ITGA9: variants seen among roughly 807,000 people sequenced by gnomAD.
ITGA9 encodes the protein integrin subunit alpha 9, also known as integrin alpha-9.
Under a neutral mutation model 127.8 loss-of-function variants are expected in ITGA9, and 56 were observed. The observed-to-expected ratio is 0.44, with a 90% CI of 0.35 to 0.55. The LOEUF is 0.55. Among genes scored for constraint, ITGA9 ranks in the 20% least tolerant of loss-of-function variants. ITGA9 has a pLI of 0.00. For missense variants in ITGA9, 1,196 were observed against 1,347.1 expected (o/e 0.89, Z 1.76); for synonymous variants, 508 against 514.5 (o/e 0.99, Z 0.17).
chr3:37,732,819 C>T, intron 19 of ITGA9, 21 bp downstream of exon 19: 5 of 1,568,828 alleles, frequency 3.2e-6, no homozygotes, highest in Non-Finnish European at 4.4e-6. Context: ...CAGACGGGAC[C>T]CTTCCTCAGC....
rs1700623848 is a variant in ITGA9, at chr3:37,670,141, A to T, written c.1917-13724A>T. On this transcript the variant is annotated intron_variant, in intron 17 of 27. Coordinates refer to ENST00000264741, the MANE Select transcript of ITGA9 (RefSeq NM_002207.3). ...TTTTTTTTTTCTGGTGCTAAAGAAC[A>T]ATTTCACCTCCTAAGCCAAGAAGGA... Among the ~76,000 whole-genome samples, 2 of 152,014 alleles carry T rather than the reference A, an allele frequency of 1.3e-5. 1 individual carries two copies. The highest frequency in any genetic ancestry group is 6.8e-3 in the Middle Eastern group (2 of 294).
At chr3:37,720,154 A>G (rs1701176392) in intron 18 of ITGA9, among the ~76,000 whole-genome samples, 1 of 152,228 alleles carries the variant, frequency 6.6e-6, no homozygotes, top group Admixed American at 6.5e-5. Flanking sequence ...TTGAGTAGCA[A>G]GACCTTGACA....
intron 15 of ITGA9, among the ~76,000 whole-genome samples, chr3:37,626,839 C>T (rs1218180540): frequency 6.6e-5 from 10 of 152,232 alleles, no homozygotes; most frequent in Admixed American, 5.2e-4. Flanking sequence ...CACCTCCTCC[C>T]CTAGAATAAC....
At chr3:37,690,714 C>T (rs1331992870) in intron 18 of ITGA9, among the ~76,000 whole-genome samples, 2 of 152,164 alleles carry the variant, frequency 1.3e-5, no homozygotes, top group African/African-American at 4.8e-5. Context: ...GCAGGGCAGG[C>T]ACCCTGGCCC....
chr3:37,733,074 C>T lies in ITGA9; in HGVS notation c.2154+276C>T, dbSNP rs567331293. 60 of 453,892 alleles carry T rather than the reference C, an allele frequency of 1.3e-4. 1 individual carries two copies. Among genetic ancestry groups the T allele is most frequent in the South Asian group, 1.2e-3 (57 of 47,340 alleles). The allele number at this position is 453,892 out of a possible 1,614,324, so 28.1% of individuals were successfully genotyped here. On this transcript the variant is annotated intron_variant, in intron 19 of 27. Coordinates refer to ENST00000264741, the MANE Select transcript of ITGA9 (RefSeq NM_002207.3). The stretch of plus-strand genomic sequence containing the variant: ...ACACCACAGCCTCTGCACTTTAGCA[C>T]GTGCCATTTAGTTGACCTTCCTAAA...
chr3:37,568,238 C>T (rs537800178), intron 15 of ITGA9, among the ~76,000 whole-genome samples: 1 of 152,352 alleles, frequency 6.6e-6, no homozygotes, highest in East Asian at 1.9e-4. Context: ...ACCTTGGCCC[C>T]TTTTAGCCAT....
chr3:37,457,718 C>CA (rs1195718141), intron 1 of ITGA9, among the ~76,000 whole-genome samples: 2 of 152,132 alleles, frequency 1.3e-5, no homozygotes, highest in African/African-American at 2.4e-5. Flanking sequence ...CAAGGGGATC[C>CA]AAAAAGCATC....
intron 18 of ITGA9, among the ~76,000 whole-genome samples, chr3:37,717,676 TC>T (rs1701149511): frequency 6.6e-6 from 1 of 152,220 alleles, no homozygotes; most frequent in Admixed American, 6.5e-5. Flanking sequence ...AAAATCCACC[TC>T]CATGATCCAG....
chr3:37,771,131 G>A (rs991362237), intron 23 of ITGA9, among the ~76,000 whole-genome samples: 1 of 152,140 alleles, frequency 6.6e-6, no homozygotes, highest in African/African-American at 2.4e-5. Flanking sequence ...TTGGACTCCG[G>A]TAGCCTGGGA....
At chr3:37,651,765 C>T (rs1394312795) in intron 16 of ITGA9, among the ~76,000 whole-genome samples, 1 of 152,068 alleles carries the variant, frequency 6.6e-6, no homozygotes, top group Non-Finnish European at 1.5e-5. Context: ...ACTAGGTGAA[C>T]CAGCTGGAGG....
intron 6 of ITGA9, among the ~76,000 whole-genome samples, chr3:37,504,049 A>G (rs1458403676): frequency 1.3e-5 from 2 of 152,236 alleles, no homozygotes; most frequent in Admixed American, 6.5e-5. Flanking sequence ...ACTTACAGGG[A>G]AAGGCCCTGA....
chr3:37,783,351 A>G (rs1269650101), intron 25 of ITGA9, among the ~76,000 whole-genome samples: 1 of 152,064 alleles, frequency 6.6e-6, no homozygotes, highest in Non-Finnish European at 1.5e-5. Context: ...ATTTAAAAAA[A>G]TATTTTTAGA....
intron 23 of ITGA9, among the ~76,000 whole-genome samples, chr3:37,772,783 A>G (rs753273677): frequency 1.3e-5 from 2 of 152,160 alleles, no homozygotes; most frequent in African/African-American, 2.4e-5. Flanking sequence ...AGTGATTCCC[A>G]TGTAACCACA....
chr3:37,519,326 C>T lies in ITGA9; in HGVS notation c.1208C>T (p.Ala403Val). The part of the protein sequence containing the change: ...AGAVYIYHGD[A>V]GGIVPQYSMK... ...GCGGTCTATATCTATCATGGTGATG[C>T]CGGTGGGATAGTCCCTCAGTACTCA... is the stretch of plus-strand genomic sequence containing the variant. The change falls in exon 11 of 28, where the codon GCC (alanine) becomes GTC (valine). Residue 403 changes from alanine to valine, a missense_variant. Ala to Val is a moderately conservative substitution (Grantham distance 64). Coordinates refer to ENST00000264741, the MANE Select transcript of ITGA9 (RefSeq NM_002207.3). 1.2e-6 allele frequency: 2 copies of T among 1,613,870 alleles called. No homozygotes were observed. Among genetic ancestry groups the T allele is most frequent in the Non-Finnish European group, 1.7e-6 (2 of 1,179,828 alleles).
At chr3:37,559,331 G>GGGATTGC (rs1699463300) in intron 15 of ITGA9, among the ~76,000 whole-genome samples, 1 of 152,144 alleles carries the variant, frequency 6.6e-6, no homozygotes, top group African/African-American at 2.4e-5. Flanking sequence ...CATTTAATAA[G>GGGATTGC]GGATTGCTTT....
intron 18 of ITGA9, among the ~76,000 whole-genome samples, chr3:37,719,343 C>T (rs1302808728): frequency 1.3e-5 from 2 of 152,148 alleles, no homozygotes; most frequent in Non-Finnish European, 2.9e-5. Context: ...GACAGGGCTC[C>T]ATGAGCTGAC....
chr3:37,797,165 A>AAAT (rs928994885), intron 26 of ITGA9, among the ~76,000 whole-genome samples: 22 of 152,038 alleles, frequency 1.4e-4, no homozygotes, highest in Admixed American at 7.9e-4. Flanking sequence ...CTATCTCTAC[A>AAAT]AATAATAATA....
chr3:37,777,467 A>G lies in ITGA9; in HGVS notation c.2617A>G (p.Ile873Val). Residue 873 changes from isoleucine to valine, a missense_variant, in exon 24 of 28, where the codon ATC becomes GTC. Physicochemically the swap from Ile to Val is conservative, Grantham distance 29. Coordinates refer to ENST00000264741, the MANE Select transcript of ITGA9 (RefSeq NM_002207.3). Reference protein sequence around the residue: ...PCIIPQEQENIFHTIFAFFTK... With the variant: ...PCIIPQEQENVFHTIFAFFTK... ...CATCATCCCTCAAGAACAAGAAAAT[A>G]TCTTCCACACAATATTTGCTTTTTT... 1 of 1,614,184 alleles carries G rather than the reference A, an allele frequency of 6.2e-7. No individual in the cohort carries two copies. The highest frequency in any genetic ancestry group is 1.1e-5 in the South Asian group (1 of 91,084).
chr3:37,481,919 G>A (rs777400621), intron 4 of ITGA9, among the ~76,000 whole-genome samples: 10 of 152,218 alleles, frequency 6.6e-5, no homozygotes, highest in Non-Finnish European at 1.5e-4. Flanking sequence ...TGACCTAACA[G>A]CTGCCTTGGT....
Sources: gnomAD v4.1 joint callset for allele counts (sites outside exome capture counted in the v4.1 genomes callset) on GRCh38, gnomAD v4.1.1 for gene constraint, MANE v1.5 for transcripts, NCBI Gene and HGNC (gene_info 2026-07-23, HGNC 2026-07-21) for gene names.